The following MIPEP variants were observed in gnomAD, a reference collection of about 807,000 sequenced individuals.
MIPEP encodes mitochondrial intermediate peptidase.
MIPEP carries 79 observed loss-of-function variants against 90.3 expected under a neutral mutation model. That is an observed-to-expected ratio of 0.87 (90% CI 0.73 to 1.05). The LOEUF (loss-of-function observed/expected upper bound fraction) is 1.05, where lower values mean the gene tolerates loss of function less well. Among genes scored for constraint, MIPEP ranks in the 50% least tolerant of loss-of-function variants. The pLI is 0.00. For missense variants in MIPEP, 940 were observed against 905.6 expected (o/e 1.04, Z -0.49); for synonymous variants, 334 against 315.8 (o/e 1.06, Z -0.61).
intron 12 of MIPEP, 87 bp downstream of exon 12, chr13:23,839,562 G>A: frequency 1.3e-6 from 1 of 797,466 alleles, no homozygotes; most frequent in South Asian, 2.8e-5. Flanking sequence ...AAATGTCATG[G>A]AATTTAAAAA....
At chr13:23,802,426 G>A (rs1465120919) in intron 16 of MIPEP, among the ~76,000 whole-genome samples, 1 of 151,954 alleles carries the variant, frequency 6.6e-6, no homozygotes, top group Non-Finnish European at 1.5e-5. Flanking sequence ...AAATTAGGCA[G>A]GTATGGTGGC....
chr13:23,811,182 T>C (rs1185615766), intron 14 of MIPEP, among the ~76,000 whole-genome samples: 2 of 152,250 alleles, frequency 1.3e-5, no homozygotes, highest in African/African-American at 4.8e-5. Context: ...CTTTATATCA[T>C]ATTTTATATT....
intron 10 of MIPEP, among the ~76,000 whole-genome samples, chr13:23,841,736 C>T (rs569137757): frequency 1.3e-5 from 2 of 152,276 alleles, no homozygotes; most frequent in South Asian, 2.1e-4. Flanking sequence ...TTTGTCCCTT[C>T]CCTGTTATTT....
At chr13:23,743,099 C>A (rs548997402) in intron 18 of MIPEP, among the ~76,000 whole-genome samples, 1 of 152,304 alleles carries the variant, frequency 6.6e-6, no homozygotes, top group South Asian at 2.1e-4. Flanking sequence ...TACCAAAAAG[C>A]AGATTATCTA....
At chr13:23,770,573 A>G (rs1161934652) in intron 16 of MIPEP, among the ~76,000 whole-genome samples, 1 of 152,022 alleles carries the variant, frequency 6.6e-6, no homozygotes, top group Non-Finnish European at 1.5e-5. Flanking sequence ...CTCTTGCTCA[A>G]TCAGGGCCTA....
chr13:23,832,701 A>G (rs1380875204), intron 14 of MIPEP, among the ~76,000 whole-genome samples: 1 of 152,204 alleles, frequency 6.6e-6, no homozygotes, highest in East Asian at 1.9e-4. Flanking sequence ...CCTAAAATTG[A>G]AGGAGATTTA....
intron 14 of MIPEP, among the ~76,000 whole-genome samples, chr13:23,820,063 A>G (rs1423585626): frequency 6.6e-6 from 1 of 152,194 alleles, no homozygotes. Context: ...TTCTACACAC[A>G]GTATATTGTA....
At chr13:23,836,899 T>C (rs549702841) in intron 13 of MIPEP, among the ~76,000 whole-genome samples, 3 of 152,356 alleles carry the variant, frequency 2.0e-5, no homozygotes, top group African/African-American at 7.2e-5. Context: ...CTACAGTCTT[T>C]TCAATACCTT....
At chr13:23,824,166 T>G (rs1047681538) in intron 14 of MIPEP, among the ~76,000 whole-genome samples, 8 of 152,256 alleles carry the variant, frequency 5.3e-5, no homozygotes, top group African/African-American at 1.9e-4. Flanking sequence ...GAATATTTTG[T>G]CATGAGCTTA....
At chr13:23,747,841 A>G (rs1952400608) in intron 18 of MIPEP, among the ~76,000 whole-genome samples, 1 of 152,146 alleles carries the variant, frequency 6.6e-6, no homozygotes. Context: ...CCCGGGTTCA[A>G]GTGATTCTCC....
intron 16 of MIPEP, among the ~76,000 whole-genome samples, chr13:23,801,629 T>C (rs1953042780): frequency 6.6e-6 from 1 of 152,202 alleles, no homozygotes; most frequent in African/African-American, 2.4e-5. Flanking sequence ...TCTAATCACA[T>C]ATGTATTTAT....
chr13:23,859,326 G>A (rs575030423), intron 9 of MIPEP, among the ~76,000 whole-genome samples: 1 of 152,302 alleles, frequency 6.6e-6, no homozygotes, highest in South Asian at 2.1e-4. Context: ...TAAGCAAGAA[G>A]CTTTGGGTAG....
At chr13:23,830,495 G>C (rs79643120) in intron 14 of MIPEP, among the ~76,000 whole-genome samples, 1 of 152,134 alleles carries the variant, frequency 6.6e-6, no homozygotes, top group African/African-American at 2.4e-5. Flanking sequence ...TCTCAGGTTG[G>C]AGAATGGCTT....
At chr13:23,763,527 T>G (rs1256315067) in intron 16 of MIPEP, among the ~76,000 whole-genome samples, 1 of 152,236 alleles carries the variant, frequency 6.6e-6, no homozygotes, top group South Asian at 2.1e-4. Context: ...TTGTTTTATC[T>G]TGAAAGCAGG....
chr13:23,846,159 T>A (rs1869528308), intron 10 of MIPEP, among the ~76,000 whole-genome samples: 1 of 152,346 alleles, frequency 6.6e-6, no homozygotes, highest in South Asian at 2.1e-4. Flanking sequence ...CTGATCTGTC[T>A]TGTTGTTACA....
chr13:23,780,478 G>T (rs1593150137), intron 16 of MIPEP, among the ~76,000 whole-genome samples: 1 of 152,058 alleles, frequency 6.6e-6, no homozygotes, highest in Non-Finnish European at 1.5e-5. Context: ...AAAGACCAAA[G>T]GTAGATAAAA....
In MIPEP at chr13:23,837,708, A is replaced by G. The variant is rs1346131845; in HGVS notation, c.1387T>C (p.Tyr463His). The G allele has an allele frequency of 6.2e-7, 1 of 1,614,132 alleles. No homozygotes were observed. The highest frequency in any genetic ancestry group is 1.7e-5 in the Admixed American group (1 of 60,032). ...ATAAGAACTACAACTGGGAGTTGAT[A>G]GTCTCCATCTTCCTTTAGTCTGCCT... ...RGGRLKEDGD[Y>H]QLPVVVLMLN... is the part of the protein sequence containing the mutation. Residue 463 changes from tyrosine (Y) to histidine (H), a missense_variant, in exon 13 of 19, where the codon TAT (tyrosine) becomes CAT (histidine). Coordinates refer to ENST00000382172, the MANE Select transcript of MIPEP (RefSeq NM_005932.4).
chr13:23,812,483 T>TAA (rs11427234), intron 14 of MIPEP, among the ~76,000 whole-genome samples: 1,837 of 149,404 alleles, frequency 0.012, 22 homozygotes, highest in African/African-American at 0.033. Context: ...CCCTGAGAAA[T>TAA]AAAAAAAAAA....
intron 18 of MIPEP, among the ~76,000 whole-genome samples, chr13:23,734,379 T>G (rs1952237976): frequency 6.6e-6 from 1 of 152,190 alleles, no homozygotes; most frequent in Non-Finnish European, 1.5e-5. Context: ...GCTCCACCAC[T>G]CATCGGAGCC....
Sources: gnomAD v4.1 joint callset for allele counts (sites outside exome capture counted in the v4.1 genomes callset) on GRCh38, gnomAD v4.1.1 for gene constraint, MANE v1.5 for transcripts, NCBI Gene and HGNC (gene_info 2026-07-23, HGNC 2026-07-21) for gene names.